Variants in ORC5 observed in about 807,000 individuals in gnomAD.
ORC5 encodes origin recognition complex subunit 5.
In ORC5, 39 loss-of-function variants were observed where a neutral mutation model predicts 58.8. The ratio of observed to expected loss-of-function variants is 0.66; its 90% CI spans 0.51 to 0.87. The LOEUF (loss-of-function observed/expected upper bound fraction) is 0.87. Ranked by LOEUF, ORC5 falls within the 40% of genes least tolerant of loss-of-function variation. The pLI, the probability that ORC5 is intolerant of heterozygous loss-of-function variation, is 0.00. For synonymous variants in ORC5, 218 were observed against 177.6 expected (o/e 1.23, Z -1.81); for missense variants, 493 against 506.3 (o/e 0.97, Z 0.25).
intron 11 of ORC5, among the ~76,000 whole-genome samples, chr7:104,163,252 G>T (rs1391349947): frequency 6.6e-6 from 1 of 152,184 alleles, no homozygotes; most frequent in Non-Finnish European, 1.5e-5. Context: ...CCTGCAGTTA[G>T]ATAGAGGTCA....
chr7:104,164,029 T>C lies in ORC5; in HGVS notation c.1038+1206A>G, dbSNP rs184457553. Among the ~76,000 whole-genome samples, 9 of 152,368 alleles carry C rather than the reference T, an allele frequency of 5.9e-5. No individual in the cohort carries two copies. The East Asian group carries it at 1.3e-3, about 23-fold the overall frequency. On this transcript the variant is annotated intron_variant, in intron 11 of 13. Coordinates refer to ENST00000297431, the MANE Select transcript of ORC5 (RefSeq NM_002553.4). ...GTGAATAAGGCTGTTAATCATGTCA[T>C]GATTGTTAGACATTCAGGTTCCTTA...
chr7:104,154,935 T>C (rs1798899798), intron 12 of ORC5, among the ~76,000 whole-genome samples: 1 of 151,762 alleles, frequency 6.6e-6, no homozygotes, highest in Non-Finnish European at 1.5e-5. Flanking sequence ...CCTACAGCTA[T>C]GGTGAATTAC....
intron 8 of ORC5, among the ~76,000 whole-genome samples, chr7:104,175,069 T>TAA (rs1799295248): frequency 6.6e-6 from 1 of 152,222 alleles, no homozygotes; most frequent in Admixed American, 6.5e-5. Context: ...GTTCCTGTTC[T>TAA]AAAGCTATAT....
At chr7:104,184,694 A>G (rs1051707439) in intron 6 of ORC5, among the ~76,000 whole-genome samples, 4 of 152,186 alleles carry the variant, frequency 2.6e-5, no homozygotes, top group Admixed American at 6.5e-5. Context: ...GAAAAGCTGT[A>G]TTTTGTGAGG....
chr7:104,144,689 G>A (rs1276214533), intron 12 of ORC5, among the ~76,000 whole-genome samples: 1 of 152,186 alleles, frequency 6.6e-6, no homozygotes, highest in Non-Finnish European at 1.5e-5. Context: ...CTTGGGAGGC[G>A]GAGATTGCAG....
intron 8 of ORC5, among the ~76,000 whole-genome samples, chr7:104,178,645 T>C (rs1411415167): frequency 6.6e-6 from 1 of 152,202 alleles, no homozygotes; most frequent in African/African-American, 2.4e-5. Context: ...CATGCCTATG[T>C]CCTGAATGGT....
rs544237803 is a variant in ORC5 at position 104,208,007 on chromosome 7, C to T, written c.-103G>A. On this transcript the variant is annotated 5_prime_UTR_variant, in exon 1 of 14. Transcript: ENST00000297431. Reference sequence around the variant, plus strand: ...GGCGGCCCACGCTCCCGCCGGAAACCGGACCCGCAGCGTCGTGGGAGGAGC... The same window carrying T: ...GGCGGCCCACGCTCCCGCCGGAAACTGGACCCGCAGCGTCGTGGGAGGAGC... 2.6e-5 allele frequency: 30 copies of T among 1,135,026 alleles called. No homozygotes were observed. The highest frequency in any genetic ancestry group is 6.5e-5 in the South Asian group (5 of 76,342). The allele number at this position is 1,135,026 out of a possible 1,614,324, so 70.3% of individuals were successfully genotyped here. A position where few individuals can be genotyped will look rare whatever the true frequency, so the allele number is the denominator to read the frequency against.
At chr7:104,167,147 G>A (rs1001700298) in intron 9 of ORC5, among the ~76,000 whole-genome samples, 11 of 152,024 alleles carry the variant, frequency 7.2e-5, no homozygotes, top group South Asian at 2.1e-4. Flanking sequence ...TCAAGGCCAC[G>A]CTCTCCATTA....
intron 12 of ORC5, among the ~76,000 whole-genome samples, chr7:104,157,009 CGT>C: frequency 6.6e-6 from 1 of 151,780 alleles, no homozygotes; most frequent in Non-Finnish European, 1.5e-5. Context: ...TGAAAACAAA[CGT>C]ATTTCTGTTT....
Position 104,207,924 on chromosome 7 carries a change from G to T in ORC5, c.-20C>A. 1 of 1,612,788 alleles carries T rather than the reference G, an allele frequency of 6.2e-7. No homozygotes were observed. On this transcript the variant is annotated 5_prime_UTR_variant, in exon 1 of 14. In the 5' UTR this introduces an upstream ATG that the reference lacks. Coordinates refer to ENST00000297431, the MANE Select transcript of ORC5 (RefSeq NM_002553.4). ...GGGCATTCTGGCAGGCACCACCGCA[G>T]AGGCCAGTGCAGCCAGCCCACAGGA...
chr7:104,179,784 C>T (rs1488239959), intron 8 of ORC5, among the ~76,000 whole-genome samples: 1 of 152,034 alleles, frequency 6.6e-6, no homozygotes, highest in East Asian at 1.9e-4. Flanking sequence ...AGACTTATAT[C>T]TCAGAAGTTT....
chr7:104,206,767 C>T (rs566877281), intron 1 of ORC5, among the ~76,000 whole-genome samples: 1 of 152,150 alleles, frequency 6.6e-6, no homozygotes, highest in Non-Finnish European at 1.5e-5. Flanking sequence ...GATTATAATA[C>T]CCTATTTTCA....
chr7:104,194,497 G>C (rs991201389), intron 5 of ORC5, among the ~76,000 whole-genome samples: 2 of 151,978 alleles, frequency 1.3e-5, no homozygotes, highest in Non-Finnish European at 1.5e-5. Flanking sequence ...AAGCTATTGT[G>C]TTCTTCCAAA....
chr7:104,153,815 A>T (rs1277541904), intron 12 of ORC5, among the ~76,000 whole-genome samples: 1 of 152,158 alleles, frequency 6.6e-6, no homozygotes, highest in East Asian at 1.9e-4. Context: ...GTTACTCTTT[A>T]TGTCTACAAA....
chr7:104,169,666 G>A (rs886238434), intron 8 of ORC5, among the ~76,000 whole-genome samples: 2 of 152,146 alleles, frequency 1.3e-5, no homozygotes, highest in African/African-American at 4.8e-5. Context: ...AGAACAGGGT[G>A]GAAGTGATAA....
At chr7:104,132,309 A>G (rs1412299293) in intron 13 of ORC5, among the ~76,000 whole-genome samples, 1 of 152,116 alleles carries the variant, frequency 6.6e-6, no homozygotes, top group Non-Finnish European at 1.5e-5. Flanking sequence ...ATCATGAGTT[A>G]TTTTCCCAAG....
chr7:104,202,454 A>G, intron 2 of ORC5: 2 of 440,332 alleles, frequency 4.5e-6, no homozygotes, highest in Non-Finnish European at 9.1e-6. Context: ...AAAAGTCCAC[A>G]ACATCTCTGT....
intron 8 of ORC5, among the ~76,000 whole-genome samples, chr7:104,179,620 T>C (rs547277679): frequency 1.3e-5 from 2 of 151,956 alleles, no homozygotes; most frequent in Non-Finnish European, 2.9e-5. Flanking sequence ...TGCTTCTTAA[T>C]AGCCATCTTC....
chr7:104,144,936 G>C (rs1197981895), intron 12 of ORC5, among the ~76,000 whole-genome samples: 2 of 152,096 alleles, frequency 1.3e-5, no homozygotes, highest in Admixed American at 6.5e-5. Flanking sequence ...CAGATTCATC[G>C]TGGTGTCTCA....
Sources: gnomAD v4.1 joint callset for allele counts (sites outside exome capture counted in the v4.1 genomes callset) on GRCh38, gnomAD v4.1.1 for gene constraint, MANE v1.5 for transcripts, NCBI Gene and HGNC (gene_info 2026-07-23, HGNC 2026-07-21) for gene names.